PCDH7: variants seen among roughly 807,000 people sequenced by gnomAD.
PCDH7 encodes protocadherin 7, also known as protocadherin-7.
PCDH7 carries 17 observed loss-of-function variants against 58.9 expected under a neutral mutation model. The observed-to-expected ratio is 0.29, with a 90% CI of 0.20 to 0.43. The LOEUF is 0.43. PCDH7 is among the 20% of genes least tolerant of loss of function. PCDH7 has a pLI of 1.00. For missense variants in PCDH7, 1,274 were observed against 1,441.0 expected (o/e 0.88, Z 1.88); for synonymous variants, 664 against 616.4 (o/e 1.08, Z -1.14).
At chr4:30,881,972 A>C (rs1737027344) in intron 1 of PCDH7, among the ~76,000 whole-genome samples, 1 of 152,140 alleles carries the variant, frequency 6.6e-6, no homozygotes. Flanking sequence ...GCACCCTTAA[A>C]GGCTACCAAG....
chr4:30,798,158 T>C (rs1725035475), intron 1 of PCDH7, among the ~76,000 whole-genome samples: 1 of 152,126 alleles, frequency 6.6e-6, no homozygotes, highest in Admixed American at 6.5e-5. Flanking sequence ...TGAATCAACA[T>C]ACCTAAGACG....
At chr4:30,757,810 C>T (rs1719509484) in intron 1 of PCDH7, among the ~76,000 whole-genome samples, 1 of 152,164 alleles carries the variant, frequency 6.6e-6, no homozygotes, top group Non-Finnish European at 1.5e-5. Flanking sequence ...GAATACCCAA[C>T]GTTGCATACA....
chr4:30,771,823 A>C (rs533020579), intron 1 of PCDH7, among the ~76,000 whole-genome samples: 1 of 152,154 alleles, frequency 6.6e-6, no homozygotes, highest in Non-Finnish European at 1.5e-5. Context: ...AGGTAACGTA[A>C]AGTGATAGAA....
At chr4:31,055,667 C>T (rs1013687182) in intron 3 of PCDH7, among the ~76,000 whole-genome samples, 2 of 152,040 alleles carry the variant, frequency 1.3e-5, no homozygotes, top group Non-Finnish European at 1.5e-5. Context: ...ACCTCCACCT[C>T]ACGGGTTCAA....
chr4:30,871,392 G>A (rs1407221952), intron 1 of PCDH7, among the ~76,000 whole-genome samples: 1 of 151,964 alleles, frequency 6.6e-6, no homozygotes, highest in East Asian at 1.9e-4. Context: ...GCTAGATCCT[G>A]TGCATCCAGC....
intron 1 of PCDH7, among the ~76,000 whole-genome samples, chr4:30,730,242 T>C (rs1715289485): frequency 6.6e-6 from 1 of 152,092 alleles, no homozygotes; most frequent in African/African-American, 2.4e-5. Flanking sequence ...TATGACTCTA[T>C]AGAAATAGTA....
chr4:30,772,759 G>C (rs1319565972), intron 1 of PCDH7, among the ~76,000 whole-genome samples: 1 of 152,170 alleles, frequency 6.6e-6, no homozygotes, highest in Non-Finnish European at 1.5e-5. Flanking sequence ...ATTGTGCTCA[G>C]TATTTTACTT....
rs1577629708 is a variant in PCDH7 at position 30,745,096 on chromosome 4, T to C, written c.70+20500T>C. 4.6e-5 allele frequency among the ~76,000 whole-genome samples: 7 copies of C among 152,286 alleles called. 1 individual carries two copies. Among genetic ancestry groups the C allele is most frequent in the Admixed American group, 4.6e-4 (7 of 15,296 alleles). ...GATTTCCAAAAAAACAAGGAGTTTATATAAAGAAGATATATAGACACTTTT... is the reference window on the plus strand; with the variant it reads ...GATTTCCAAAAAAACAAGGAGTTTACATAAAGAAGATATATAGACACTTTT... On this transcript the variant is annotated intron_variant, in intron 1 of 3. Coordinates refer to the PCDH7 transcript ENST00000509759.
At chr4:31,035,690 G>T (rs1304130360) in intron 3 of PCDH7, among the ~76,000 whole-genome samples, 1 of 152,142 alleles carries the variant, frequency 6.6e-6, no homozygotes, top group Non-Finnish European at 1.5e-5. Context: ...AAATGGTAGT[G>T]CCACCATGTA....
At chr4:31,125,066 A>T (rs1414473586) in intron 3 of PCDH7, among the ~76,000 whole-genome samples, 1 of 152,212 alleles carries the variant, frequency 6.6e-6, no homozygotes, top group Non-Finnish European at 1.5e-5. Context: ...TCCCGTGAAG[A>T]TAAACCTGTT....
intron 3 of PCDH7, among the ~76,000 whole-genome samples, chr4:31,021,817 G>A (rs1754041646): frequency 1.3e-5 from 2 of 152,088 alleles, no homozygotes; most frequent in Admixed American, 6.5e-5. Flanking sequence ...GAAAAATATG[G>A]TTGGATGAGC....
chr4:31,063,213 T>A (rs1384716767), intron 3 of PCDH7, among the ~76,000 whole-genome samples: 1 of 151,878 alleles, frequency 6.6e-6, no homozygotes, highest in African/African-American at 2.4e-5. Context: ...TGTGGATTAC[T>A]GTAATGGCAG....
intron 3 of PCDH7, among the ~76,000 whole-genome samples, chr4:31,097,422 C>G (rs2109294667): frequency 6.7e-6 from 1 of 148,504 alleles, no homozygotes; most frequent in East Asian, 2.0e-4. Context: ...CCACTCCACT[C>G]CAGCCTGCGT....
At chr4:31,021,750 T>C (rs1007257364) in intron 3 of PCDH7, among the ~76,000 whole-genome samples, 1 of 151,910 alleles carries the variant, frequency 6.6e-6, no homozygotes, top group African/African-American at 2.4e-5. Context: ...GAGACACGAG[T>C]GTCTCTAATT....
chr4:30,804,741 C>A (rs902475698), intron 1 of PCDH7, among the ~76,000 whole-genome samples: 1 of 152,064 alleles, frequency 6.6e-6, no homozygotes, highest in East Asian at 1.9e-4. Context: ...ATAAACTACC[C>A]ACTTAAAGAT....
At chr4:30,795,737 A>G (rs1724691185) in intron 1 of PCDH7, among the ~76,000 whole-genome samples, 1 of 152,226 alleles carries the variant, frequency 6.6e-6, no homozygotes, top group Admixed American at 6.5e-5. Context: ...GCCTTGATAA[A>G]TACACTTGCT....
At chr4:30,961,930 A>G (rs909709041) in intron 3 of PCDH7, among the ~76,000 whole-genome samples, 25 of 152,290 alleles carry the variant, frequency 1.6e-4, no homozygotes, top group African/African-American at 5.8e-4. Flanking sequence ...ATAACTTCCA[A>G]GCTTTTAATT....
In PCDH7 at chr4:30,902,794, G is replaced by A. The variant is rs143102203; in HGVS notation, c.71-17359G>A. Reference sequence around the variant, plus strand: ...AGTCTTCAAATATGAAATGTAAACAGGCTTAGAAAGCCAAGTAGTAGTAGT... The same window carrying A: ...AGTCTTCAAATATGAAATGTAAACAAGCTTAGAAAGCCAAGTAGTAGTAGT... On this transcript the variant is annotated intron_variant, in intron 1 of 3. Coordinates refer to the PCDH7 transcript ENST00000509759. 3.6e-3 allele frequency among the ~76,000 whole-genome samples: 544 copies of A among 152,172 alleles called. 2 individuals carry two copies. Among genetic ancestry groups the A allele is most frequent in the African/African-American group, 0.013 (521 of 41,536 alleles).
intron 1 of PCDH7, among the ~76,000 whole-genome samples, chr4:30,805,854 C>A (rs183267062): frequency 2.0e-5 from 3 of 152,342 alleles, no homozygotes; most frequent in African/African-American, 7.2e-5. Context: ...ATGCTTCTTA[C>A]AATACATTCT....
Sources: gnomAD v4.1 joint callset for allele counts (sites outside exome capture counted in the v4.1 genomes callset) on GRCh38, gnomAD v4.1.1 for gene constraint, MANE v1.5 for transcripts, NCBI Gene and HGNC (gene_info 2026-07-23, HGNC 2026-07-21) for gene names.